Variants in TAX1BP1 observed in about 807,000 individuals in gnomAD.
The protein encoded by TAX1BP1 is tax1-binding protein 1.
A neutral mutation model predicts 97.7 loss-of-function variants in TAX1BP1; 62 were observed. The observed-to-expected ratio is 0.63, with a 90% confidence interval of 0.52 to 0.78. The LOEUF (loss-of-function observed/expected upper bound fraction) is 0.78, where lower values mean the gene tolerates loss of function less well. Ranked by LOEUF, TAX1BP1 falls within the 30% of genes least tolerant of loss-of-function variation. The probability of loss-of-function intolerance (pLI) is 0.00; values close to 1 mark genes in which losing one functional copy is unlikely to be tolerated. For missense variants in TAX1BP1, 867 were observed against 916.1 expected, an observed-to-expected ratio of 0.95 and a Z score of 0.69; for synonymous variants, 340 against 304.2, an observed-to-expected ratio of 1.12 and a Z score of -1.23.
Position 27,766,028 on chromosome 7 carries a change from G to A in TAX1BP1, c.453+7G>A. 3.7e-6 allele frequency: 6 copies of A among 1,611,816 alleles called. No homozygotes were observed. The highest frequency in any genetic ancestry group is 5.1e-6 in the Non-Finnish European group (6 of 1,178,958). On this transcript the variant is annotated splice_region_variant and intron_variant, in intron 4 of 16. Transcript: ENST00000396319. ...AAAAGCAGGCCTTCTTGAGGTTGGT[G>A]TTCACAGTGAGATAGTGATTCATTG...
intron 6 of TAX1BP1, 30 bp downstream of exon 6, chr7:27,785,341 C>G: frequency 6.3e-7 from 1 of 1,587,846 alleles, no homozygotes; most frequent in South Asian, 1.2e-5. Flanking sequence ...AAAATAAATT[C>G]AATAAAAATT....
intron 13 of TAX1BP1, among the ~76,000 whole-genome samples, chr7:27,813,455 G>T (rs756288975): frequency 6.6e-6 from 1 of 151,600 alleles, no homozygotes; most frequent in Non-Finnish European, 1.5e-5. Context: ...CCCAGACTCA[G>T]GTGATCCTCC....
At chr7:27,746,894 T>C (rs1787842432) in intron 1 of TAX1BP1, among the ~76,000 whole-genome samples, 1 of 152,240 alleles carries the variant, frequency 6.6e-6, no homozygotes. Flanking sequence ...AGAAAGTTGA[T>C]ATTTTTTAAA....
At chr7:27,762,758 G>A (rs1273908511) in intron 3 of TAX1BP1, among the ~76,000 whole-genome samples, 1 of 152,098 alleles carries the variant, frequency 6.6e-6, no homozygotes, top group Non-Finnish European at 1.5e-5. Flanking sequence ...AGACCAGCCT[G>A]GGCAATTTGG....
At chr7:27,805,287 G>A (rs1312117918) in intron 13 of TAX1BP1, among the ~76,000 whole-genome samples, 4 of 151,986 alleles carry the variant, frequency 2.6e-5, no homozygotes, top group African/African-American at 7.2e-5. Context: ...TCTTTTTTGT[G>A]AGTTCTTTGG....
In TAX1BP1 at chr7:27,748,503, A is replaced by T. The variant is rs1301243261; in HGVS notation, c.-7-15A>T. ...TAGTTGGTATAATTTAACTTGTATG[A>T]ATTACTTGTTTCAGATTCACAATGA... is the stretch of plus-strand genomic sequence containing the variant. On this transcript the variant is annotated splice_polypyrimidine_tract_variant and intron_variant, in intron 1 of 16. Coordinates refer to ENST00000396319, the MANE Select transcript of TAX1BP1 (RefSeq NM_006024.7). The T allele has an allele frequency of 1.3e-6, 2 of 1,558,686 alleles. No individual in the cohort carries two copies. Among genetic ancestry groups the T allele is most frequent in the African/African-American group, 2.7e-5 (2 of 73,896 alleles).
chr7:27,782,247 A>AT lies in TAX1BP1; in HGVS notation c.613-2909dup, dbSNP rs528182664. Among the ~76,000 whole-genome samples, 24 of 150,524 alleles carry AT rather than the reference A, an allele frequency of 1.6e-4. 2 individuals are homozygous for AT. The South Asian group carries it at 3.6e-3, about 22-fold the overall frequency. ...TTCTTTTCTTGTTTTATTTTATTTTATTTTTTTGAGATGGAGTCTTTCTCT... is the reference window on the plus strand; with the variant it reads ...TTCTTTTCTTGTTTTATTTTATTTTATTTTTTTTGAGATGGAGTCTTTCTCT... On this transcript the variant is annotated intron_variant, in intron 5 of 16. Transcript: ENST00000396319.
chr7:27,783,698 G>C (rs1330074359), intron 5 of TAX1BP1, among the ~76,000 whole-genome samples: 2 of 152,052 alleles, frequency 1.3e-5, no homozygotes, highest in Non-Finnish European at 2.9e-5. Flanking sequence ...TTTTGTCCTA[G>C]GGAGAAATAC....
intron 1 of TAX1BP1, among the ~76,000 whole-genome samples, chr7:27,743,502 A>G (rs1252870022): frequency 1.3e-5 from 2 of 152,246 alleles, no homozygotes; most frequent in African/African-American, 2.4e-5. Context: ...CTAAGGGTAC[A>G]AAGCGTTCAT....
At chr7:27,793,308 A>G in intron 10 of TAX1BP1, 96 bp downstream of exon 10, 1 of 1,086,072 alleles carries the variant, frequency 9.2e-7, no homozygotes, top group Non-Finnish European at 1.3e-6. Context: ...CCTTTTAAAT[A>G]TTATTTATCT....
chr7:27,791,406 A>G (rs1048837890), intron 8 of TAX1BP1, among the ~76,000 whole-genome samples: 1 of 152,180 alleles, frequency 6.6e-6, no homozygotes, highest in Non-Finnish European at 1.5e-5. Context: ...TAGCTTTTTA[A>G]AGATACTTTT....
chr7:27,754,123 A>G (rs34526836), intron 2 of TAX1BP1, among the ~76,000 whole-genome samples: 19,778 of 151,924 alleles, frequency 0.13, 1,535 homozygotes, highest in African/African-American at 0.21. Context: ...ACCTCCCTGT[A>G]AGGTACTGTT....
At chr7:27,788,787 C>T (rs973852418) in intron 8 of TAX1BP1, among the ~76,000 whole-genome samples, 3 of 151,854 alleles carry the variant, frequency 2.0e-5, no homozygotes, top group African/African-American at 7.3e-5. Context: ...AGGTTGTTCC[C>T]CCAGACCTGA....
intron 13 of TAX1BP1, 35 bp from the exon 14 acceptor site, chr7:27,816,314 C>G: frequency 2.0e-6 from 3 of 1,467,256 alleles, no homozygotes; most frequent in Non-Finnish European, 2.8e-6. Context: ...TATTTTATTG[C>G]TTTGCTTATT....
chr7:27,754,029 G>A (rs75610010), intron 2 of TAX1BP1, among the ~76,000 whole-genome samples: 1,984 of 152,148 alleles, frequency 0.013, 40 homozygotes, highest in African/African-American at 0.045. Flanking sequence ...TTCTAGTTGA[G>A]GAAACTGGAA....
At chr7:27,824,396 CTT>C (rs997832568) in intron 15 of TAX1BP1, among the ~76,000 whole-genome samples, 84 of 151,356 alleles carry the variant, frequency 5.5e-4, no homozygotes, top group African/African-American at 2.0e-3. Flanking sequence ...GATCCTGTCT[CTT>C]AAAAAAAATA....
chr7:27,823,430 A>AT (rs1791053962), intron 15 of TAX1BP1, among the ~76,000 whole-genome samples: 1 of 152,196 alleles, frequency 6.6e-6, no homozygotes, highest in Non-Finnish European at 1.5e-5. Flanking sequence ...CTTCCTCAAT[A>AT]TTAATTACTA....
intron 13 of TAX1BP1, among the ~76,000 whole-genome samples, chr7:27,808,135 T>A (rs1790411478): frequency 6.6e-6 from 1 of 152,196 alleles, no homozygotes; most frequent in African/African-American, 2.4e-5. Flanking sequence ...GAAACCAAGA[T>A]CTGGGCTGTA....
intron 5 of TAX1BP1, among the ~76,000 whole-genome samples, chr7:27,774,466 C>A (rs1201629571): frequency 6.6e-6 from 1 of 151,902 alleles, no homozygotes; most frequent in Non-Finnish European, 1.5e-5. Context: ...ATAACAGATA[C>A]AAGTATAGTA....
Sources: allele counts gnomAD v4.1 joint callset (sites outside exome capture counted in the v4.1 genomes callset), GRCh38; gene constraint gnomAD v4.1.1; transcripts MANE v1.5; gene names NCBI Gene and HGNC (gene_info 2026-07-23, HGNC 2026-07-21).